TOX2: variants seen among roughly 807,000 people sequenced by gnomAD.
The protein encoded by TOX2 is TOX high mobility group box family member 2, also known as granulosa cell HMG box 1.
In TOX2, 15 loss-of-function variants were observed where a neutral mutation model predicts 47.4. That is an observed-to-expected ratio of 0.32 (90% CI 0.21 to 0.49). The LOEUF (loss-of-function observed/expected upper bound fraction) is 0.49. Among genes scored for constraint, TOX2 ranks in the 20% least tolerant of loss-of-function variants. The pLI is 0.99. For missense variants in TOX2, 622 were observed against 673.1 expected, an observed-to-expected ratio of 0.92 and a Z score of 0.84; for synonymous variants, 290 against 296.6, an observed-to-expected ratio of 0.98 and a Z score of 0.23.
At chr20:44,041,408 A>C (rs2071329880) in intron 3 of TOX2, among the ~76,000 whole-genome samples, 1 of 152,192 alleles carries the variant, frequency 6.6e-6, no homozygotes, top group Non-Finnish European at 1.5e-5. Flanking sequence ...CAGGCCTCAA[A>C]TGAGAGGCAT....
chr20:43,986,232 G>A (rs1035835218), intron 2 of TOX2, among the ~76,000 whole-genome samples: 10 of 136,882 alleles, frequency 7.3e-5, no homozygotes, highest in African/African-American at 2.8e-4. Flanking sequence ...AGATATAATG[G>A]GAAGGGACGA....
At position 44,066,067 on chromosome 20, in the gene TOX2, A is replaced by C. The variant is rs747816318; in HGVS notation, c.1316A>C (p.Gln439Pro). The C allele has an allele frequency of 6.4e-7, 1 of 1,570,732 alleles. No homozygotes were observed. Among genetic ancestry groups the C allele is most frequent in the South Asian group, 1.2e-5 (1 of 84,528 alleles). Residue 439 changes from glutamine to proline, a missense_variant, in exon 7 of 9, where the codon CAG becomes CCG. Gln to Pro is a moderately conservative substitution (Grantham distance 76). Around this residue, in one of 3 missense-constraint regions of TOX2, gnomAD observed 294 missense variants for 300.0 expected, o/e 0.98. Coordinates refer to ENST00000341197, the MANE Select transcript of TOX2 (RefSeq NM_001098797.2). ...GTCCTGCCCACCCCCATGGCACTCC[A>C]GGTGCAGCTGGCGATGAGCCCCTCA... Reference protein sequence around the residue: ...PPVLPTPMALQVQLAMSPSPP... With the variant: ...PPVLPTPMALPVQLAMSPSPP...
At chr20:44,014,256 CTT>C (rs2070835268) in intron 3 of TOX2, among the ~76,000 whole-genome samples, 1 of 150,306 alleles carries the variant, frequency 6.7e-6, no homozygotes, top group Admixed American at 6.6e-5. Flanking sequence ...ATGTGCAGTA[CTT>C]TTCAAACCTC....
intron 2 of TOX2, among the ~76,000 whole-genome samples, chr20:43,990,940 A>G (rs772184548): frequency 1.6e-4 from 24 of 152,230 alleles, no homozygotes; most frequent in Non-Finnish European, 2.6e-4. Context: ...TCATTTTTCC[A>G]GAAGCTTATT....
At chr20:44,053,439 T>TACACACACACACACACACACACACAC (rs111951284) in intron 4 of TOX2, among the ~76,000 whole-genome samples, 1 of 143,108 alleles carries the variant, frequency 7.0e-6, no homozygotes, top group African/African-American at 2.6e-5. Context: ...GGCAGATATA[T>TACACACACACACACACACACACACAC]ACACACACAC....
chr20:44,053,506 ATATAC>A (rs1218522150), intron 4 of TOX2, among the ~76,000 whole-genome samples: 1 of 147,590 alleles, frequency 6.8e-6, no homozygotes, highest in Non-Finnish European at 1.5e-5. Context: ...ACAGACATAT[ATATAC>A]TATATATACA....
intron 3 of TOX2, among the ~76,000 whole-genome samples, chr20:44,031,717 T>G (rs1403904697): frequency 5.9e-5 from 9 of 151,820 alleles, no homozygotes; most frequent in African/African-American, 2.2e-4. Flanking sequence ...GAAAATGAAG[T>G]GGGCTCTGAA....
intron 2 of TOX2, among the ~76,000 whole-genome samples, chr20:43,992,849 CAAAAAA>C (rs11483440): frequency 4.0e-5 from 3 of 74,538 alleles, no homozygotes; most frequent in African/African-American, 1.1e-4. Context: ...GTAGGGTTTA[CAAAAAA>C]AAAAAAAAAA....
chr20:44,068,812 T>C lies in TOX2; in HGVS notation c.*126T>C. ...ATCGGAGAGAGCAGTGACACACCCA[T>C]TGCCCGGGGGCTGAGTCTCTTCCTC... On this transcript the variant is annotated 3_prime_UTR_variant, in exon 9 of 9. Transcript: ENST00000341197. 4 of 1,295,548 alleles carry C rather than the reference T, an allele frequency of 3.1e-6. No homozygotes were observed. The highest frequency in any genetic ancestry group is 4.4e-6 in the Non-Finnish European group (4 of 912,656). The allele number at this position is 1,295,548 out of a possible 1,614,324, so 80.3% of individuals were successfully genotyped here. A position where few individuals can be genotyped will look rare whatever the true frequency, so the allele number is the denominator to read the frequency against.
chr20:44,004,887 A>G (rs548467179), intron 2 of TOX2, among the ~76,000 whole-genome samples: 1 of 152,246 alleles, frequency 6.6e-6, no homozygotes, highest in Non-Finnish European at 1.5e-5. Flanking sequence ...TGATTGATTT[A>G]AGATTTAGCA....
At chr20:43,956,061 C>T (rs1303153755) in intron 1 of TOX2, among the ~76,000 whole-genome samples, 1 of 152,236 alleles carries the variant, frequency 6.6e-6, no homozygotes, top group East Asian at 1.9e-4. Context: ...TTGGCAAATG[C>T]TGTTCCCACT....
Position 43,973,410 on chromosome 20 carries a change from C to T in TOX2, c.143C>T (p.Pro48Leu), listed in dbSNP as rs779930292. Residue 48 changes from proline to leucine, a missense_variant, in exon 2 of 9, where the codon CCA (proline) becomes CTA (leucine). Physicochemically the swap from Pro to Leu is moderately conservative, Grantham distance 98. Transcript: ENST00000341197. ...SAYVGMSDGN[P>L]ELLSTSQTYN... ...TACGTGGGGATGAGTGACGGAAACC[C>T]AGAGCTCCTGTCAACCAGCCAGGTG... is the stretch of plus-strand genomic sequence containing the variant. 1.5e-4 allele frequency: 243 copies of T among 1,614,038 alleles called. No individual in the cohort carries two copies. Among genetic ancestry groups the T allele is most frequent in the Non-Finnish European group, 1.9e-4 (219 of 1,180,032 alleles).
At position 44,066,015 on chromosome 20, in the gene TOX2, A is replaced by C. The variant is rs1333633961; in HGVS notation, c.1264A>C (p.Ser422Arg). ...GGGCGCCCTCCTCAGTCCACCTGTT[A>C]GCATGTCCCCAGCCCCCCAGCCCCC... ...AQGALLSPPV[S>R]MSPAPQPPVL... The change falls in exon 7 of 9, where the codon AGC (serine) becomes CGC (arginine). Residue 422 changes from serine (S) to arginine (R), a missense_variant. By Grantham distance (110) the Ser-to-Arg change is moderately radical (BLOSUM62 -1). Around this residue, in one of 3 missense-constraint regions of TOX2, gnomAD observed 294 missense variants for 300.0 expected, o/e 0.98. Coordinates refer to ENST00000341197, the MANE Select transcript of TOX2 (RefSeq NM_001098797.2). 3 of 1,611,562 alleles carry C rather than the reference A, an allele frequency of 1.9e-6. No homozygotes were observed. Among genetic ancestry groups the C allele is most frequent in the Non-Finnish European group, 2.5e-6 (3 of 1,179,338 alleles).
intron 3 of TOX2, among the ~76,000 whole-genome samples, chr20:44,047,201 A>C (rs2071424210): frequency 6.6e-6 from 1 of 152,192 alleles, no homozygotes; most frequent in South Asian, 2.1e-4. Context: ...TGGGATGCAT[A>C]ATTCTTTGTT....
At chr20:43,984,656 G>T (rs74965781) in intron 2 of TOX2, among the ~76,000 whole-genome samples, 4,394 of 152,204 alleles carry the variant, frequency 0.029, 216 homozygotes, top group African/African-American at 0.1. Flanking sequence ...GGAGGACTTT[G>T]GTCTGCATTT....
At chr20:44,054,174 G>A (rs1247069155) in intron 4 of TOX2, 125 bp from the exon 5 acceptor site, 19 of 956,728 alleles carry the variant, frequency 2.0e-5, no homozygotes, top group Non-Finnish European at 2.3e-5. Flanking sequence ...CCCCTCCATC[G>A]CGCGAGTGGT....
rs376660622 is a variant in TOX2 at position 44,046,532 on chromosome 20, A to T, written c.412-4774A>T. ...ACCCACGTTCCTAGCAGCATTATTC[A>T]TAATGCCCAACCAACTGCCTACCAG... On this transcript the variant is annotated intron_variant, in intron 3 of 8. Coordinates refer to ENST00000341197, the MANE Select transcript of TOX2 (RefSeq NM_001098797.2). Among the ~76,000 whole-genome samples, 201 of 152,374 alleles carry T rather than the reference A, an allele frequency of 1.3e-3. 1 individual carries two copies. Among genetic ancestry groups the T allele is most frequent in the African/African-American group, 4.7e-3 (196 of 41,588 alleles).
intron 3 of TOX2, chr20:44,038,865 C>T (rs546817385): frequency 1.2e-5 from 12 of 966,402 alleles, no homozygotes; most frequent in East Asian, 1.3e-4. Context: ...TTGTGAAAAA[C>T]GCCCTTGTGT....
rs1354829538 is a variant in TOX2, at chr20:44,054,650, T to C, written c.879+124T>C. 2.8e-6 allele frequency: 3 copies of C among 1,063,982 alleles called. No homozygotes were observed. In the East Asian group the frequency reaches 7.8e-5, roughly 28 times the overall value. The allele number at this position is 1,063,982 out of a possible 1,614,324, so 65.9% of individuals were successfully genotyped here. On this transcript the variant is annotated intron_variant, in intron 5 of 8. Transcript: ENST00000341197. The stretch of plus-strand genomic sequence containing the variant: ...TAGAGACTCTTACAGAGGTCTTTCC[T>C]GGGCTCAGGTTGCCCATCTGTAAAC...
Sources: allele counts gnomAD v4.1 joint callset (sites outside exome capture counted in the v4.1 genomes callset), GRCh38; gene constraint gnomAD v4.1.1; regional missense constraint gnomAD v4.1.1; transcripts MANE v1.5; gene names NCBI Gene and HGNC (gene_info 2026-07-23, HGNC 2026-07-21).